Variants in GTF2E2 observed in about 807,000 individuals in gnomAD.
GTF2E2 encodes general transcription factor IIE subunit 2.
GTF2E2 carries 21 observed loss-of-function variants against 40.5 expected under a neutral mutation model. The observed-to-expected ratio is 0.52, with a 90% CI of 0.37 to 0.75. The LOEUF (loss-of-function observed/expected upper bound fraction) is 0.75, where lower values mean the gene tolerates loss of function less well. Among genes scored for constraint, GTF2E2 ranks in the 30% least tolerant of loss-of-function variants. The pLI is 0.00. For missense variants in GTF2E2, 298 were observed against 338.4 expected, an observed-to-expected ratio of 0.88 and a Z score of 0.94; for synonymous variants, 117 against 121.6, an observed-to-expected ratio of 0.96 and a Z score of 0.25.
At chr8:30,627,213 G>A (rs1044594939) in intron 3 of GTF2E2, among the ~76,000 whole-genome samples, 7 of 152,048 alleles carry the variant, frequency 4.6e-5, no homozygotes, top group Non-Finnish European at 8.8e-5. Context: ...TGTTTATCCA[G>A]GCTGACAAAC....
chr8:30,642,610 A>C (rs1193990419), intron 2 of GTF2E2, among the ~76,000 whole-genome samples: 1 of 151,996 alleles, frequency 6.6e-6, no homozygotes, highest in Admixed American at 6.6e-5. Context: ...ATTGTGATTA[A>C]TTTCTTGTAG....
intron 2 of GTF2E2, among the ~76,000 whole-genome samples, 195 bp downstream of exon 2, chr8:30,653,238 T>C (rs932089789): frequency 1.2e-4 from 19 of 152,076 alleles, no homozygotes; most frequent in Non-Finnish European, 1.2e-4. Flanking sequence ...TTTAAAGAGG[T>C]AATAACCTAA....
chr8:30,595,778 G>A (rs185271620), intron 6 of GTF2E2, among the ~76,000 whole-genome samples: 42 of 152,066 alleles, frequency 2.8e-4, no homozygotes, highest in African/African-American at 9.4e-4. Context: ...GTTGTAGTGA[G>A]CCAAGATTGC....
chr8:30,613,650 A>AT (rs1800807019), intron 4 of GTF2E2, among the ~76,000 whole-genome samples: 1 of 152,266 alleles, frequency 6.6e-6, no homozygotes, highest in Admixed American at 6.5e-5. Flanking sequence ...CACTAATACA[A>AT]TGAACTACAA....
intron 3 of GTF2E2, among the ~76,000 whole-genome samples, chr8:30,620,698 G>A (rs574792929): frequency 1.0e-3 from 96 of 91,512 alleles, no homozygotes; most frequent in African/African-American, 5.2e-3. Context: ...GCTGACGTGG[G>A]TGAATCACCT....
At chr8:30,634,774 T>C (rs1268338648) in intron 3 of GTF2E2, among the ~76,000 whole-genome samples, 1 of 152,200 alleles carries the variant, frequency 6.6e-6, no homozygotes. Context: ...GGCACACTCT[T>C]ATTAAGTGAA....
intron 3 of GTF2E2, among the ~76,000 whole-genome samples, chr8:30,634,578 T>C (rs185260146): frequency 4.6e-5 from 7 of 152,368 alleles, no homozygotes; most frequent in African/African-American, 1.7e-4. Context: ...TCAATGTTTT[T>C]CTAAGACTCT....
chr8:30,639,463 AG>A (rs1801731554), intron 2 of GTF2E2, among the ~76,000 whole-genome samples: 1 of 152,234 alleles, frequency 6.6e-6, no homozygotes. Context: ...ATAAATACAA[AG>A]TAAGTCCTTT....
At position 30,629,702 on chromosome 8, in the gene GTF2E2, A is replaced by G. The variant is rs1041265150; in HGVS notation, c.258+5330T>C. Among the ~76,000 whole-genome samples, 2 of 151,620 alleles carry G rather than the reference A, an allele frequency of 1.3e-5. 1 individual carries two copies. Among genetic ancestry groups the G allele is most frequent in the African/African-American group, 4.8e-5 (2 of 41,282 alleles). ...AGATTCCATCTCAAAAAAAAAAAAA[A>G]AAAAAAAGACTGTTGAGCTATACTC... On this transcript the variant is annotated intron_variant, in intron 3 of 7. Coordinates refer to ENST00000355904, the MANE Select transcript of GTF2E2 (RefSeq NM_002095.6).
In GTF2E2 at chr8:30,618,539, G is replaced by A. The variant is rs140457768; in HGVS notation, c.259-3824C>T. On this transcript the variant is annotated intron_variant, in intron 3 of 7. Coordinates refer to ENST00000355904, the MANE Select transcript of GTF2E2 (RefSeq NM_002095.6). ...TTCTGCAACACAGTGAGACTGGCCTGTTATAAGATGGATTGTGGAGAATTT... is the reference window on the plus strand; with the variant it reads ...TTCTGCAACACAGTGAGACTGGCCTATTATAAGATGGATTGTGGAGAATTT... Among the ~76,000 whole-genome samples the A allele has an allele frequency of 7.5e-3, 1,140 of 152,156 alleles. 21 individuals are homozygous for A. The highest frequency in any genetic ancestry group is 0.025 in the African/African-American group (1,035 of 41,486).
intron 6 of GTF2E2, among the ~76,000 whole-genome samples, chr8:30,581,665 T>A (rs533715917): frequency 1.3e-5 from 2 of 152,228 alleles, no homozygotes; most frequent in Non-Finnish European, 2.9e-5. Context: ...CATTAGGGGT[T>A]CTTTCTACTA....
At chr8:30,626,449 C>T (rs1394607155) in intron 3 of GTF2E2, among the ~76,000 whole-genome samples, 2 of 152,192 alleles carry the variant, frequency 1.3e-5, no homozygotes, top group Non-Finnish European at 2.9e-5. Flanking sequence ...CACGCCATTG[C>T]ACTCCATCCT....
chr8:30,583,367 T>A (rs573778153), intron 6 of GTF2E2, among the ~76,000 whole-genome samples: 1 of 150,476 alleles, frequency 6.6e-6, no homozygotes, highest in South Asian at 2.1e-4. Flanking sequence ...CACAAAGAGC[T>A]GCTCTTCCTT....
intron 6 of GTF2E2, among the ~76,000 whole-genome samples, chr8:30,599,846 G>C (rs1434978353): frequency 6.6e-6 from 1 of 152,032 alleles, no homozygotes; most frequent in African/African-American, 2.4e-5. Flanking sequence ...AGCTGGGCGT[G>C]GTGGCACCCA....
At chr8:30,654,210 CTAGT>C (rs1322505398) in intron 1 of GTF2E2, among the ~76,000 whole-genome samples, 1 of 151,770 alleles carries the variant, frequency 6.6e-6, no homozygotes, top group Admixed American at 6.6e-5. Context: ...TGAAATGTGG[CTAGT>C]TAAAATTGAG....
Position 30,598,275 on chromosome 8 carries a change from T to C in GTF2E2, c.643+8782A>G, listed in dbSNP as rs536410074. Among the ~76,000 whole-genome samples, 8 of 152,340 alleles carry C rather than the reference T, an allele frequency of 5.3e-5. No homozygotes were observed. The South Asian group carries it at 1.0e-3, about 20-fold the overall frequency. On this transcript the variant is annotated intron_variant, in intron 6 of 7. Coordinates refer to ENST00000355904, the MANE Select transcript of GTF2E2 (RefSeq NM_002095.6). ...ACAGAAATTTCTTTGCCTTTCTACC[T>C]GATATGCAAAGAAGCTTACATACTG...
At chr8:30,640,712 T>G (rs1488218352) in intron 2 of GTF2E2, among the ~76,000 whole-genome samples, 1 of 152,212 alleles carries the variant, frequency 6.6e-6, no homozygotes, top group East Asian at 1.9e-4. Context: ...GTATTTCTAT[T>G]TTTTGGCGGG....
intron 2 of GTF2E2, chr8:30,637,360 C>T: frequency 4.4e-6 from 2 of 450,648 alleles, no homozygotes; most frequent in South Asian, 3.2e-5. Context: ...GCTTATGAGA[C>T]ATGATGCTTA....
chr8:30,595,330 T>C (rs1301363059), intron 6 of GTF2E2, among the ~76,000 whole-genome samples: 1 of 152,230 alleles, frequency 6.6e-6, no homozygotes, highest in East Asian at 1.9e-4. Flanking sequence ...TTTTGATTTA[T>C]GGTCATCTTT....
Sources: allele counts gnomAD v4.1 joint callset (sites outside exome capture counted in the v4.1 genomes callset), GRCh38; gene constraint gnomAD v4.1.1; transcripts MANE v1.5; gene names NCBI Gene and HGNC (gene_info 2026-07-23, HGNC 2026-07-21).